GRID2: variants seen among roughly 807,000 people sequenced by gnomAD.
GRID2 encodes glutamate ionotropic receptor delta type subunit 2, also known as glutamate receptor ionotropic, delta-2.
In GRID2, 33 loss-of-function variants were observed where a neutral mutation model predicts 114.8. That is an observed-to-expected ratio of 0.29 (90% CI 0.22 to 0.38). The LOEUF is 0.38. GRID2 is among the 10% of genes least tolerant of loss of function. The pLI is 1.00. For missense variants in GRID2, 1,184 were observed against 1,257.7 expected, an observed-to-expected ratio of 0.94 and a Z score of 0.89; for synonymous variants, 505 against 449.9, an observed-to-expected ratio of 1.12 and a Z score of -1.55.
chr4:92,370,353 T>C (rs529853812), intron 1 of GRID2, among the ~76,000 whole-genome samples: 103 of 152,170 alleles, frequency 6.8e-4, no homozygotes, highest in African/African-American at 2.4e-3. Flanking sequence ...GAAAACAATT[T>C]TGAAATTAGA....
chr4:93,163,605 T>A (rs1218617669), intron 4 of GRID2, among the ~76,000 whole-genome samples: 5 of 150,278 alleles, frequency 3.3e-5, no homozygotes, highest in African/African-American at 1.2e-4. Context: ...TAGCAGAATT[T>A]AAAAAAAGAG....
At chr4:93,650,897 A>G (rs771566901) in intron 14 of GRID2, among the ~76,000 whole-genome samples, 1 of 128,662 alleles carries the variant, frequency 7.8e-6, no homozygotes, top group Admixed American at 7.9e-5. Context: ...AAAATATTTT[A>G]TATACATACT....
In GRID2 at chr4:92,870,315, G is replaced by T. The variant is rs547459576; in HGVS notation, c.245-214680G>T. Among the ~76,000 whole-genome samples the T allele has an allele frequency of 2.0e-5, 3 of 151,598 alleles. No homozygotes were observed. The East Asian group carries it at 5.8e-4, about 29-fold the overall frequency. ...ACACTTTCTCTCTCTCTCTCATTTAGAATGTTCATCTTCCTCTTCCACAGG... is the reference window on the plus strand; with the variant it reads ...ACACTTTCTCTCTCTCTCTCATTTATAATGTTCATCTTCCTCTTCCACAGG... On this transcript the variant is annotated intron_variant, in intron 2 of 15. Transcript: ENST00000282020.
At chr4:93,714,921 G>T (rs538362128) in intron 14 of GRID2, among the ~76,000 whole-genome samples, 2 of 152,252 alleles carry the variant, frequency 1.3e-5, no homozygotes, top group East Asian at 3.9e-4. Flanking sequence ...CTGTGCAGAA[G>T]CCCTTCAGTT....
intron 4 of GRID2, 105 bp downstream of exon 4, chr4:93,111,058 C>G: frequency 1.4e-6 from 1 of 710,256 alleles, no homozygotes; most frequent in South Asian, 1.7e-5. Context: ...AGGGAATTAA[C>G]TACACAATTC....
intron 13 of GRID2, among the ~76,000 whole-genome samples, chr4:93,586,362 A>C (rs559800013): frequency 2.0e-4 from 31 of 152,072 alleles, no homozygotes; most frequent in Non-Finnish European, 3.5e-4. Context: ...GCTCACCTAC[A>C]TTACAGTAAG....
At chr4:93,433,135 G>A (rs1386835408) in intron 10 of GRID2, among the ~76,000 whole-genome samples, 1 of 152,068 alleles carries the variant, frequency 6.6e-6, no homozygotes, top group Non-Finnish European at 1.5e-5. Flanking sequence ...AGTAATAATA[G>A]GGTAAATTAT....
At chr4:92,459,147 A>T (rs1721355236) in intron 1 of GRID2, among the ~76,000 whole-genome samples, 1 of 152,204 alleles carries the variant, frequency 6.6e-6, no homozygotes, top group African/African-American at 2.4e-5. Context: ...TCATAGCAAA[A>T]GAGGTAAAAC....
At chr4:93,338,299 A>G (rs925100605) in intron 8 of GRID2, among the ~76,000 whole-genome samples, 2 of 152,118 alleles carry the variant, frequency 1.3e-5, no homozygotes, top group Non-Finnish European at 2.9e-5. Context: ...CCTAAATCCA[A>G]TCAACAAAGC....
chr4:93,374,689 T>C (rs1763217947), intron 8 of GRID2, among the ~76,000 whole-genome samples: 1 of 152,168 alleles, frequency 6.6e-6, no homozygotes, highest in African/African-American at 2.4e-5. Context: ...AAATTGGTGG[T>C]TTCATCCTGT....
chr4:92,976,163 T>C (rs939245651), intron 2 of GRID2, among the ~76,000 whole-genome samples: 18 of 152,060 alleles, frequency 1.2e-4, no homozygotes, highest in African/African-American at 4.3e-4. Flanking sequence ...TTCACCTTGG[T>C]CATAATAAAT....
chr4:93,365,356 G>C (rs916007793), intron 8 of GRID2, among the ~76,000 whole-genome samples: 1 of 152,128 alleles, frequency 6.6e-6, no homozygotes, highest in Admixed American at 6.6e-5. Context: ...CTCAGACCTA[G>C]AGTTAAAGAT....
At chr4:92,521,152 C>T (rs1724755441) in intron 1 of GRID2, among the ~76,000 whole-genome samples, 1 of 151,780 alleles carries the variant, frequency 6.6e-6, no homozygotes, top group Non-Finnish European at 1.5e-5. Context: ...CAAAAGTGAT[C>T]TCCCTAACCA....
At chr4:92,841,167 A>T (rs967713048) in intron 2 of GRID2, among the ~76,000 whole-genome samples, 1 of 152,224 alleles carries the variant, frequency 6.6e-6, no homozygotes, top group South Asian at 2.1e-4. Flanking sequence ...TAATAGAACA[A>T]GTTAATTGCA....
intron 1 of GRID2, among the ~76,000 whole-genome samples, chr4:92,469,854 G>C (rs1452331608): frequency 6.6e-6 from 1 of 151,684 alleles, no homozygotes; most frequent in Non-Finnish European, 1.5e-5. Context: ...AGCTGAGGAA[G>C]TTTAGTAACA....
At chr4:92,742,334 A>T (rs1006592746) in intron 2 of GRID2, among the ~76,000 whole-genome samples, 2 of 151,952 alleles carry the variant, frequency 1.3e-5, no homozygotes, top group Non-Finnish European at 2.9e-5. Context: ...ATTTCTCTGG[A>T]CTATAGTTAA....
At chr4:92,790,724 GAAAA>G (rs148843080) in intron 2 of GRID2, among the ~76,000 whole-genome samples, 1 of 99,402 alleles carries the variant, frequency 1.0e-5, no homozygotes, top group Admixed American at 1.0e-4. Flanking sequence ...AGCTTTTTAA[GAAAA>G]AAAAAAAAAA....
chr4:92,610,580 C>T (rs559358911), intron 2 of GRID2, among the ~76,000 whole-genome samples: 3 of 151,602 alleles, frequency 2.0e-5, no homozygotes, highest in Admixed American at 1.3e-4. Flanking sequence ...TCGTCCTTCA[C>T]GCTGTACTGA....
intron 9 of GRID2, among the ~76,000 whole-genome samples, chr4:93,406,906 C>T (rs913464991): frequency 3.3e-5 from 5 of 151,998 alleles, no homozygotes; most frequent in African/African-American, 1.2e-4. Flanking sequence ...ATTGGGTAAA[C>T]GACGAAAAAA....
Sources: allele counts gnomAD v4.1 joint callset (sites outside exome capture counted in the v4.1 genomes callset), GRCh38; gene constraint gnomAD v4.1.1; transcripts MANE v1.5; gene names NCBI Gene and HGNC (gene_info 2026-07-23, HGNC 2026-07-21).